The following TMEM156 variants were observed in gnomAD, a reference collection of about 807,000 sequenced individuals.
TMEM156 encodes the protein transmembrane protein 156.
In TMEM156, 28 loss-of-function variants were observed where a neutral mutation model predicts 30.5. The ratio of observed to expected loss-of-function variants is 0.92; its 90% CI spans 0.68 to 1.26. The LOEUF is 1.26. Ranked by LOEUF, TMEM156 falls within the 50% of genes most tolerant of loss-of-function variation. The probability of loss-of-function intolerance (pLI) is 0.00; values close to 1 mark genes in which losing one functional copy is unlikely to be tolerated. For synonymous variants in TMEM156, 137 were observed against 119.9 expected (o/e 1.14, Z -0.93); for missense variants, 351 against 340.6 (o/e 1.03, Z -0.24).
At chr4:39,002,719 T>G (rs1224548194) in intron 1 of TMEM156, among the ~76,000 whole-genome samples, 2 of 149,320 alleles carry the variant, frequency 1.3e-5, no homozygotes, top group Non-Finnish European at 3.0e-5. Flanking sequence ...AAATGATGAG[T>G]TCATGTCTTT....
chr4:38,998,352 T>C (rs112774343), intron 2 of TMEM156: 39,672 of 168,756 alleles, frequency 0.24, 5,157 homozygotes, highest in East Asian at 0.45. Flanking sequence ...CGAGACCAGC[T>C]TGGCCAAGAT....
intron 1 of TMEM156, among the ~76,000 whole-genome samples, chr4:39,000,963 A>G (rs1178417756): frequency 6.6e-6 from 1 of 152,164 alleles, no homozygotes; most frequent in African/African-American, 2.4e-5. Context: ...TTCCTTTAGG[A>G]CAGAATTATC....
At chr4:39,003,487 A>C (rs1025698692) in intron 1 of TMEM156, among the ~76,000 whole-genome samples, 2 of 152,050 alleles carry the variant, frequency 1.3e-5, no homozygotes, top group Non-Finnish European at 2.9e-5. Context: ...GGCATGCACC[A>C]CCACGCCCGG....
chr4:38,997,303 G>A (rs990960258), intron 2 of TMEM156, among the ~76,000 whole-genome samples: 3 of 152,184 alleles, frequency 2.0e-5, no homozygotes, highest in African/African-American at 4.8e-5. Flanking sequence ...GTGAGGGTTG[G>A]AACATTACCT....
At position 39,032,314 on chromosome 4, in the gene TMEM156, G is replaced by A; in HGVS notation, c.-1C>T. The stretch of plus-strand genomic sequence containing the variant: ...ATTTAAGGAGGGCTGTTTTTGTCAT[G>A]TCTCTTCACATGACACAAATGTGTT... On this transcript the variant is annotated 5_prime_UTR_variant, in exon 1 of 7. Coordinates refer to ENST00000381938, the MANE Select transcript of TMEM156 (RefSeq NM_024943.3). 6.3e-7 allele frequency: 1 copy of A among 1,592,620 alleles called. No homozygotes were observed. Among genetic ancestry groups the A allele is most frequent in the East Asian group, 2.2e-5 (1 of 44,652 alleles).
At chr4:38,992,622 A>T (rs963085181) in intron 3 of TMEM156, among the ~76,000 whole-genome samples, 1 of 146,068 alleles carries the variant, frequency 6.8e-6, no homozygotes, top group Non-Finnish European at 1.5e-5. Context: ...AACATGTTAA[A>T]TCAACTCAAA....
At chr4:39,015,552 T>C (rs1297580002) in intron 1 of TMEM156, among the ~76,000 whole-genome samples, 1 of 152,198 alleles carries the variant, frequency 6.6e-6, no homozygotes, top group African/African-American at 2.4e-5. Context: ...AGGAACACAG[T>C]CTTACTGATA....
At chr4:38,996,178 GCT>G (rs1300750818) in intron 2 of TMEM156, among the ~76,000 whole-genome samples, 2 of 151,312 alleles carry the variant, frequency 1.3e-5, no homozygotes, top group African/African-American at 4.9e-5. Context: ...GTGAAAAGGT[GCT>G]CAATATTACT....
chr4:39,012,711 G>A (rs1392857162), intron 1 of TMEM156, among the ~76,000 whole-genome samples: 3 of 151,860 alleles, frequency 2.0e-5, no homozygotes, highest in Non-Finnish European at 4.4e-5. Flanking sequence ...AGGCTGAGGC[G>A]GGCAGATCAC....
chr4:38,993,566 T>C (rs554454831), intron 3 of TMEM156, among the ~76,000 whole-genome samples, 172 bp downstream of exon 3: 1 of 152,308 alleles, frequency 6.6e-6, no homozygotes, highest in South Asian at 2.1e-4. Flanking sequence ...ATAAAAAGCA[T>C]ATTTTGAAAG....
chr4:38,997,842 G>T (rs1713036774), intron 2 of TMEM156, among the ~76,000 whole-genome samples: 1 of 152,174 alleles, frequency 6.6e-6, no homozygotes, highest in African/African-American at 2.4e-5. Flanking sequence ...TGTGCACAAA[G>T]CTTGAAATTT....
At chr4:38,983,625 C>A (rs1560359752) in intron 5 of TMEM156, among the ~76,000 whole-genome samples, 1 of 152,172 alleles carries the variant, frequency 6.6e-6, no homozygotes, top group Non-Finnish European at 1.5e-5. Context: ...GTCTTGAACT[C>A]CTGGACTCAA....
intron 1 of TMEM156, among the ~76,000 whole-genome samples, chr4:39,024,720 T>C (rs1163898966): frequency 6.6e-6 from 1 of 152,136 alleles, no homozygotes; most frequent in Non-Finnish European, 1.5e-5. Flanking sequence ...TAATGGGTAC[T>C]AGGCTCAATA....
chr4:38,967,552 C>G lies in TMEM156; in HGVS notation c.*128G>C, dbSNP rs1207555054. 6.6e-6 allele frequency: 1 copy of G among 152,222 alleles called. No individual in the cohort carries two copies. Among genetic ancestry groups the G allele is most frequent in the Non-Finnish European group, 1.5e-5 (1 of 68,026 alleles). 9.4% of individuals were successfully genotyped at this position (152,222 alleles called of 1,614,324 possible). A position where few individuals can be genotyped will look rare whatever the true frequency, so the allele number is the denominator to read the frequency against. ...CTGCTTTCCAACTGTGCATCCTCAG[C>G]TGGACACAAACATTTTCCAGTCTAC... On this transcript the variant is annotated 3_prime_UTR_variant, in exon 7 of 7. Transcript: ENST00000381938.
At chr4:38,986,186 C>T (rs1711967598) in intron 5 of TMEM156, 150 bp downstream of exon 5, 3 of 608,992 alleles carry the variant, frequency 4.9e-6, no homozygotes, top group Non-Finnish European at 8.9e-6. Flanking sequence ...ACATATTAAA[C>T]TGGATTTCAT....
At chr4:38,999,721 T>C (rs1713203799) in intron 1 of TMEM156, among the ~76,000 whole-genome samples, 1 of 152,216 alleles carries the variant, frequency 6.6e-6, no homozygotes, top group Non-Finnish European at 1.5e-5. Flanking sequence ...GGGAAGAATC[T>C]GTTCCTTGGC....
At chr4:38,978,108 C>T (rs1722967168) in intron 5 of TMEM156, among the ~76,000 whole-genome samples, 1 of 152,182 alleles carries the variant, frequency 6.6e-6, no homozygotes, top group Non-Finnish European at 1.5e-5. Flanking sequence ...GTCCATCTCC[C>T]ACCATGAAAG....
chr4:38,983,785 A>G (rs1463043348), intron 5 of TMEM156, among the ~76,000 whole-genome samples: 2 of 152,208 alleles, frequency 1.3e-5, no homozygotes, highest in Non-Finnish European at 2.9e-5. Context: ...TAGCCCTTCT[A>G]CAAAGCGTGC....
chr4:38,968,644 T>C (rs1560350802), intron 6 of TMEM156, among the ~76,000 whole-genome samples: 2 of 152,194 alleles, frequency 1.3e-5, no homozygotes. Context: ...CCAGTAATAT[T>C]TCATTGACAC....
Sources: allele counts gnomAD v4.1 joint callset (sites outside exome capture counted in the v4.1 genomes callset), GRCh38; gene constraint gnomAD v4.1.1; transcripts MANE v1.5; gene names NCBI Gene and HGNC (gene_info 2026-07-23, HGNC 2026-07-21).